CHCHD3: variants seen among roughly 807,000 people sequenced by gnomAD.
CHCHD3 encodes the protein coiled-coil-helix-coiled-coil-helix domain containing 3, also known as MICOS complex subunit MIC19.
CHCHD3 carries 20 observed loss-of-function variants against 38.2 expected under a neutral mutation model. The observed-to-expected ratio is 0.52, with a 90% CI of 0.37 to 0.76. The LOEUF is 0.76. Ranked by LOEUF, CHCHD3 falls within the 30% of genes least tolerant of loss-of-function variation. The probability of loss-of-function intolerance (pLI) is 0.00; values close to 1 mark genes in which losing one functional copy is unlikely to be tolerated. For missense variants in CHCHD3, 245 were observed against 279.2 expected (o/e 0.88, Z 0.87); for synonymous variants, 82 against 100.0 (o/e 0.82, Z 1.07).
At chr7:133,007,359 A>G (rs1812727397) in intron 3 of CHCHD3, among the ~76,000 whole-genome samples, 1 of 152,236 alleles carries the variant, frequency 6.6e-6, no homozygotes, top group East Asian at 1.9e-4. Flanking sequence ...GACATATACC[A>G]TAACTCAATT....
chr7:133,060,742 C>G (rs1051014783), intron 2 of CHCHD3, among the ~76,000 whole-genome samples: 1 of 152,084 alleles, frequency 6.6e-6, no homozygotes, highest in Non-Finnish European at 1.5e-5. Flanking sequence ...AACCCCATGT[C>G]TACTAAAAAT....
chr7:133,019,002 G>T (rs1055375785), intron 3 of CHCHD3, among the ~76,000 whole-genome samples: 5 of 147,004 alleles, frequency 3.4e-5, no homozygotes, highest in Non-Finnish European at 7.4e-5. Flanking sequence ...TCGTGCCTCA[G>T]CCTCCCGAGT....
intron 1 of CHCHD3, among the ~76,000 whole-genome samples, chr7:133,071,611 A>C (rs1240080056): frequency 6.6e-6 from 1 of 152,224 alleles, no homozygotes; most frequent in Admixed American, 6.5e-5. Flanking sequence ...AGGACCAATT[A>C]AGAAGCTATT....
intron 5 of CHCHD3, among the ~76,000 whole-genome samples, chr7:132,858,139 T>G (rs1005126331): frequency 1.4e-4 from 21 of 152,312 alleles, no homozygotes; most frequent in African/African-American, 5.0e-4. Flanking sequence ...CTCAGCTCAC[T>G]GCAACCTCAG....
At chr7:132,795,318 C>T (rs531535461) in intron 7 of CHCHD3, among the ~76,000 whole-genome samples, 6 of 152,250 alleles carry the variant, frequency 3.9e-5, no homozygotes, top group Admixed American at 2.0e-4. Flanking sequence ...ACAAATAAAA[C>T]GTACTAACTT....
chr7:132,796,667 C>T (rs961939570), intron 6 of CHCHD3, 90 bp from the exon 7 acceptor site: 1 of 1,137,110 alleles, frequency 8.8e-7, no homozygotes, highest in Admixed American at 2.2e-5. Context: ...CACAGTAAGA[C>T]ACAGATGTTG....
intron 3 of CHCHD3, among the ~76,000 whole-genome samples, chr7:132,987,614 AGACAATCT>A (rs1812155385): frequency 6.6e-6 from 1 of 152,244 alleles, no homozygotes; most frequent in South Asian, 2.1e-4. Flanking sequence ...AACTGACATT[AGACAATCT>A]GGCACAAGGG....
intron 5 of CHCHD3, among the ~76,000 whole-genome samples, chr7:132,875,442 T>C (rs150924342): frequency 1.4e-3 from 212 of 152,340 alleles, no homozygotes; most frequent in Middle Eastern, 6.8e-3. Context: ...AAGAACTACT[T>C]GAGGCAACCA....
At chr7:132,801,929 C>T (rs988612820) in intron 6 of CHCHD3, among the ~76,000 whole-genome samples, 2 of 152,146 alleles carry the variant, frequency 1.3e-5, no homozygotes. Flanking sequence ...GAGGGGAAAG[C>T]ACTGCCAGCC....
At chr7:132,879,716 TAAAAAAAAAAAAAAAA>T (rs56259114) in intron 5 of CHCHD3, among the ~76,000 whole-genome samples, 5 of 38,426 alleles carry the variant, frequency 1.3e-4, no homozygotes, top group Admixed American at 4.7e-4. Flanking sequence ...TTGTCAAAAG[TAAAAAAAAAAAAAAAA>T]AAAAAAAAAA....
chr7:132,986,575 G>A (rs6467454), intron 3 of CHCHD3, among the ~76,000 whole-genome samples: 67,710 of 152,000 alleles, frequency 0.45, 15,347 homozygotes, highest in East Asian at 0.55. Flanking sequence ...AGCAAAGGAT[G>A]GTTTGATAAT....
intron 4 of CHCHD3, among the ~76,000 whole-genome samples, chr7:132,889,144 T>A (rs1809299341): frequency 6.6e-6 from 1 of 152,080 alleles, no homozygotes; most frequent in Admixed American, 6.5e-5. Flanking sequence ...AATAATTATA[T>A]TAACAATTCA....
At chr7:132,858,043 C>A (rs892567930) in intron 5 of CHCHD3, among the ~76,000 whole-genome samples, 1 of 152,050 alleles carries the variant, frequency 6.6e-6, no homozygotes, top group African/African-American at 2.4e-5. Context: ...GGGCTTTCTT[C>A]GATTCTTTTT....
At chr7:133,021,474 C>T (rs957246453) in intron 3 of CHCHD3, among the ~76,000 whole-genome samples, 1 of 152,136 alleles carries the variant, frequency 6.6e-6, no homozygotes, top group Admixed American at 6.5e-5. Context: ...CTAAGTCTTC[C>T]ATTTGTTTCT....
intron 1 of CHCHD3, 91 bp from the exon 2 acceptor site, chr7:133,070,320 CCA>C: frequency 1.0e-6 from 1 of 981,650 alleles, no homozygotes; most frequent in South Asian, 1.5e-5. Context: ...TCATCCATAT[CCA>C]TACATATGAC....
At position 132,885,433 on chromosome 7, in the gene CHCHD3, C is replaced by A. The variant is rs564279861; in HGVS notation, c.453+229G>T. 6.6e-5 allele frequency among the ~76,000 whole-genome samples: 10 copies of A among 152,132 alleles called. No homozygotes were observed. The South Asian group carries it at 1.7e-3, about 25-fold the overall frequency. On this transcript the variant is annotated intron_variant, in intron 5 of 7. Coordinates refer to ENST00000262570, the MANE Select transcript of CHCHD3 (RefSeq NM_017812.4). ...TATAAGAAAAGTATTTGCGGTAGGTCCCAAGTGGTAAAATGCATCAGTGAA... is the reference window on the plus strand; with the variant it reads ...TATAAGAAAAGTATTTGCGGTAGGTACCAAGTGGTAAAATGCATCAGTGAA...
intron 3 of CHCHD3, among the ~76,000 whole-genome samples, chr7:133,021,154 T>G (rs1160631504): frequency 6.6e-6 from 1 of 152,228 alleles, no homozygotes; most frequent in Non-Finnish European, 1.5e-5. Context: ...CCTTAATCAA[T>G]TTATTTTGCC....
At chr7:132,835,149 ATT>A (rs60504335) in intron 6 of CHCHD3, among the ~76,000 whole-genome samples, 2 of 138,832 alleles carry the variant, frequency 1.4e-5, no homozygotes, top group African/African-American at 2.7e-5. Context: ...TAATTTTTGT[ATT>A]TTTTTTTTTT....
At chr7:133,043,286 T>C (rs1314745403) in intron 2 of CHCHD3, among the ~76,000 whole-genome samples, 2 of 152,182 alleles carry the variant, frequency 1.3e-5, no homozygotes, top group African/African-American at 4.8e-5. Flanking sequence ...TTGTATTTCA[T>C]TTGTGGACCA....
Sources: gnomAD v4.1 joint callset for allele counts (sites outside exome capture counted in the v4.1 genomes callset) on GRCh38, gnomAD v4.1.1 for gene constraint, MANE v1.5 for transcripts, NCBI Gene and HGNC (gene_info 2026-07-23, HGNC 2026-07-21) for gene names.